RRAS2: variants seen among roughly 807,000 people sequenced by gnomAD.
The protein encoded by RRAS2 is ras-related protein R-Ras2.
RRAS2 carries 7 observed loss-of-function variants against 27.6 expected under a neutral mutation model. The ratio of observed to expected loss-of-function variants is 0.25; its 90% CI spans 0.14 to 0.48. The LOEUF is 0.48. RRAS2 is among the 20% of genes least tolerant of loss of function. The pLI is 0.99. For synonymous variants in RRAS2, 86 were observed against 90.9 expected (o/e 0.95, Z 0.31); for missense variants, 178 against 256.2 (o/e 0.69, Z 2.08).
At chr11:14,314,434 T>G (rs1453655317) in intron 1 of RRAS2, among the ~76,000 whole-genome samples, 1 of 152,152 alleles carries the variant, frequency 6.6e-6, no homozygotes, top group Non-Finnish European at 1.5e-5. Flanking sequence ...AAATAATATA[T>G]GCAGAAATAA....
In RRAS2 at chr11:14,294,507, T is replaced by C. The variant is rs782171884; in HGVS notation, c.372A>G (p.Leu124=). Residue 124 remains leucine, a synonymous_variant, in exon 4 of 6, where the codon TTA becomes TTG. Coordinates refer to ENST00000256196, the MANE Select transcript of RRAS2 (RefSeq NM_012250.6). The part of the protein sequence containing the change: ...VKDRDEFPMI[L]IGNKADLDHQ... ...GATCCAGATCTGCTTTATTACCAAT[T>C]AAAATCATTGGGAACTCATCACGAT... is the stretch of plus-strand genomic sequence containing the variant. The C allele has an allele frequency of 6.3e-7, 1 of 1,599,814 alleles. No homozygotes were observed. Among genetic ancestry groups the C allele is most frequent in the Admixed American group, 1.7e-5 (1 of 57,916 alleles).
intron 4 of RRAS2, among the ~76,000 whole-genome samples, chr11:14,289,433 T>C (rs1849751353): frequency 6.6e-6 from 1 of 152,234 alleles, no homozygotes; most frequent in Non-Finnish European, 1.5e-5. Flanking sequence ...TAAGCCAACA[T>C]ACTGTGCTAT....
chr11:14,303,637 GTC>G (rs1183456547), intron 1 of RRAS2, among the ~76,000 whole-genome samples: 1 of 152,160 alleles, frequency 6.6e-6, no homozygotes, highest in Non-Finnish European at 1.5e-5. Flanking sequence ...TTCAATAACT[GTC>G]TTAACTGCAG....
intron 1 of RRAS2, among the ~76,000 whole-genome samples, chr11:14,313,599 A>G (rs1034194928): frequency 6.6e-6 from 1 of 152,180 alleles, no homozygotes; most frequent in Non-Finnish European, 1.5e-5. Context: ...TGTTGTCCTT[A>G]TAAGAGAAAG....
At position 14,349,169 on chromosome 11, in the gene RRAS2, T is replaced by C. The variant is rs115480424; in HGVS notation, c.108+9594A>G. ...CATTTTTTATTTTTATTATTTTTTT[T>C]AGAGACAGAGTCTTGCTCTGTCACC... On this transcript the variant is annotated intron_variant, in intron 1 of 5. Coordinates refer to ENST00000256196, the MANE Select transcript of RRAS2 (RefSeq NM_012250.6). Among the ~76,000 whole-genome samples the C allele has an allele frequency of 9.9e-3, 1,496 of 151,332 alleles. 26 individuals carry two copies. Among genetic ancestry groups the C allele is most frequent in the African/African-American group, 0.035 (1,429 of 41,120 alleles).
chr11:14,316,093 A>G (rs1195953275), intron 1 of RRAS2, among the ~76,000 whole-genome samples: 3 of 152,168 alleles, frequency 2.0e-5, no homozygotes, highest in Admixed American at 6.5e-5. Flanking sequence ...CCATAACAGG[A>G]AGTTTGGTCC....
intron 1 of RRAS2, among the ~76,000 whole-genome samples, chr11:14,304,112 T>A (rs191938604): frequency 3.3e-5 from 5 of 152,322 alleles, no homozygotes; most frequent in Admixed American, 3.3e-4. Context: ...CATACAGCCC[T>A]CTCTGTGCTC....
chr11:14,336,336 A>G (rs1426027732), intron 1 of RRAS2, among the ~76,000 whole-genome samples: 1 of 152,204 alleles, frequency 6.6e-6, no homozygotes, highest in East Asian at 1.9e-4. Flanking sequence ...AAATGTGCAG[A>G]TTTCAAAAGA....
At chr11:14,295,275 T>C (rs1351037253) in intron 2 of RRAS2, among the ~76,000 whole-genome samples, 1 of 152,188 alleles carries the variant, frequency 6.6e-6, no homozygotes, top group Non-Finnish European at 1.5e-5. Flanking sequence ...TTAGTGCAGG[T>C]GCTAATGTAA....
At chr11:14,344,923 C>T (rs1017533091) in intron 1 of RRAS2, among the ~76,000 whole-genome samples, 1 of 150,058 alleles carries the variant, frequency 6.7e-6, no homozygotes, top group Non-Finnish European at 1.5e-5. Flanking sequence ...ATAATAGATA[C>T]AACTCATCTT....
At position 14,359,155 on chromosome 11, in the gene RRAS2, G is replaced by C. The variant is rs1315368768; in HGVS notation, c.-285C>G. On this transcript the variant is annotated 5_prime_UTR_variant, in exon 1 of 6. Coordinates refer to ENST00000256196, the MANE Select transcript of RRAS2 (RefSeq NM_012250.6). ...GTCTCCGCAGCGCCTGCCGAACGCA[G>C]CCTCCAGCGCCGCCACAAATGGCCG... 9.9e-7 allele frequency: 1 copy of C among 1,010,660 alleles called. No individual in the cohort carries two copies. Among genetic ancestry groups the C allele is most frequent in the Non-Finnish European group, 1.2e-6 (1 of 847,958 alleles). The allele number at this position is 1,010,660 out of a possible 1,614,324, so 62.6% of individuals were successfully genotyped here. A position where few individuals can be genotyped will look rare whatever the true frequency, so the allele number is the denominator to read the frequency against.
intron 1 of RRAS2, among the ~76,000 whole-genome samples, chr11:14,343,177 T>C (rs1262623372): frequency 6.6e-6 from 1 of 152,222 alleles, no homozygotes; most frequent in East Asian, 1.9e-4. Context: ...ATGGCTTCTT[T>C]CTGAAACTCT....
At chr11:14,335,522 G>A (rs1848571550) in intron 1 of RRAS2, among the ~76,000 whole-genome samples, 1 of 152,126 alleles carries the variant, frequency 6.6e-6, no homozygotes, top group Admixed American at 6.5e-5. Context: ...TAGCAGAGAA[G>A]TAAAAATAGA....
chr11:14,308,259 T>G (rs782238455), intron 1 of RRAS2: 19 of 451,968 alleles, frequency 4.2e-5, no homozygotes, highest in South Asian at 2.8e-4. Flanking sequence ...AAACAATTCT[T>G]GTAGCTTTCA....
chr11:14,284,295 T>A (rs1332814246), intron 4 of RRAS2, among the ~76,000 whole-genome samples: 1 of 152,188 alleles, frequency 6.6e-6, no homozygotes, highest in Non-Finnish European at 1.5e-5. Flanking sequence ...CAAGGGTTAG[T>A]TGGAATATGT....
At chr11:14,300,117 C>T (rs78670834) in intron 1 of RRAS2, among the ~76,000 whole-genome samples, 72 of 152,082 alleles carry the variant, frequency 4.7e-4, no homozygotes, top group Admixed American at 1.4e-3. Context: ...AAGGGTGGAC[C>T]CAAGGGCTCA....
intron 1 of RRAS2, among the ~76,000 whole-genome samples, chr11:14,317,336 T>C (rs532282411): frequency 6.6e-6 from 1 of 152,326 alleles, no homozygotes; most frequent in African/African-American, 2.4e-5. Flanking sequence ...TCCCAGCACT[T>C]TGGGAGGCTG....
chr11:14,356,848 C>A, intron 1 of RRAS2: 4 of 417,470 alleles, frequency 9.6e-6, no homozygotes, highest in Non-Finnish European at 1.9e-5. Context: ...GTTGCCCAGG[C>A]ACAATCTCGG....
chr11:14,312,343 G>A (rs1490571843), intron 1 of RRAS2, among the ~76,000 whole-genome samples: 1 of 152,212 alleles, frequency 6.6e-6, no homozygotes, highest in Non-Finnish European at 1.5e-5. Flanking sequence ...AATAGTTGTT[G>A]TGTACTTAAT....
Sources: gnomAD v4.1 joint callset for allele counts (sites outside exome capture counted in the v4.1 genomes callset) on GRCh38, gnomAD v4.1.1 for gene constraint, MANE v1.5 for transcripts, NCBI Gene and HGNC (gene_info 2026-07-23, HGNC 2026-07-21) for gene names.